Variants in IL1RAPL1 observed in about 807,000 individuals in gnomAD.
IL1RAPL1 encodes the protein interleukin 1 receptor accessory protein like 1.
In IL1RAPL1, 3 loss-of-function variants were observed where a neutral mutation model predicts 48.4. That is an observed-to-expected ratio of 0.06 (90% CI 0.03 to 0.16). IL1RAPL1 has a LOEUF of 0.16. IL1RAPL1 is among the 10% of genes least tolerant of loss of function. The probability of loss-of-function intolerance (pLI) is 1.00; values close to 1 mark genes in which losing one functional copy is unlikely to be tolerated. For synonymous variants in IL1RAPL1, 185 were observed against 187.7 expected, an observed-to-expected ratio of 0.99 and a Z score of 0.12; for missense variants, 349 against 530.6, an observed-to-expected ratio of 0.66 and a Z score of 3.36.
chrX:28,835,921 A>G lies in IL1RAPL1; in HGVS notation c.82+46496A>G, dbSNP rs747592465. Among the ~76,000 whole-genome samples the G allele has an allele frequency of 3.6e-5, 4 of 110,598 alleles. No homozygotes were observed. The East Asian group carries it at 1.1e-3, about 31-fold the overall frequency. On this transcript the variant is annotated intron_variant, in intron 2 of 10. Transcript: ENST00000378993. ...AATGTGTTTTTATATTTGTTTTTTGAGATGCTGAATTTCCATAATATTTAT... is the reference window on the plus strand; with the variant it reads ...AATGTGTTTTTATATTTGTTTTTTGGGATGCTGAATTTCCATAATATTTAT...
At chrX:28,652,969 C>T (rs1601847587) in intron 1 of IL1RAPL1, among the ~76,000 whole-genome samples, 2 of 110,912 alleles carry the variant, frequency 1.8e-5, no homozygotes, top group African/African-American at 3.3e-5. Flanking sequence ...ATGAGTCCTG[C>T]GTAGAGAAGT....
At chrX:29,732,043 T>C (rs1927933156) in intron 6 of IL1RAPL1, among the ~76,000 whole-genome samples, 1 of 112,263 alleles carries the variant, frequency 8.9e-6, no homozygotes, top group African/African-American at 3.2e-5. Flanking sequence ...CAGGGAATTT[T>C]GTTTTCTTTA....
intron 2 of IL1RAPL1, among the ~76,000 whole-genome samples, chrX:28,926,318 A>G (rs777744885): frequency 3.6e-5 from 4 of 111,377 alleles, no homozygotes; most frequent in Non-Finnish European, 7.5e-5. Flanking sequence ...AAACATAACA[A>G]CTTGTTTTGA....
intron 5 of IL1RAPL1, among the ~76,000 whole-genome samples, chrX:29,530,898 T>G (rs1273577716): frequency 8.9e-6 from 1 of 112,257 alleles, no homozygotes; most frequent in Admixed American, 9.4e-5. Context: ...GGATGAGTTA[T>G]TTGTTCGAAC....
intron 5 of IL1RAPL1, among the ~76,000 whole-genome samples, chrX:29,512,051 G>T (rs1935398612): frequency 9.1e-6 from 1 of 109,779 alleles, no homozygotes; most frequent in East Asian, 2.8e-4. Flanking sequence ...CATTTCGGGG[G>T]TTACATAGCA....
chrX:29,057,852 TAGA>T (rs1428386752), intron 2 of IL1RAPL1, among the ~76,000 whole-genome samples: 1 of 112,088 alleles, frequency 8.9e-6, no homozygotes, highest in African/African-American at 3.2e-5. Context: ...CTTCTAGGAA[TAGA>T]AGTAGAAGTC....
At chrX:29,849,152 C>T (rs1931310752) in intron 6 of IL1RAPL1, among the ~76,000 whole-genome samples, 1 of 111,164 alleles carries the variant, frequency 9.0e-6, no homozygotes, top group African/African-American at 3.3e-5. Context: ...GGTAAGCTAC[C>T]AAAAAAATCT....
intron 2 of IL1RAPL1, among the ~76,000 whole-genome samples, chrX:29,114,886 C>T (rs1297860853): frequency 9.0e-6 from 1 of 111,442 alleles, no homozygotes; most frequent in Non-Finnish European, 1.9e-5. Flanking sequence ...CCTCTACCTC[C>T]CAAAGTGCTG....
chrX:28,672,719 G>C (rs936582060), intron 1 of IL1RAPL1, among the ~76,000 whole-genome samples: 3 of 111,258 alleles, frequency 2.7e-5, no homozygotes, highest in Admixed American at 1.9e-4. Flanking sequence ...TATTTCCAGG[G>C]TCCTGCTTGG....
intron 6 of IL1RAPL1, among the ~76,000 whole-genome samples, chrX:29,688,764 C>CTG (rs1406628560): frequency 9.6e-6 from 1 of 103,928 alleles, no homozygotes; most frequent in Non-Finnish European, 2.0e-5. Context: ...CTGTGTGTGT[C>CTG]TGTGTGTGTG....
intron 6 of IL1RAPL1, among the ~76,000 whole-genome samples, chrX:29,739,174 G>T (rs1355672899): frequency 1.8e-5 from 2 of 112,197 alleles, no homozygotes; most frequent in Non-Finnish European, 1.9e-5. Context: ...CCCACGTCTG[G>T]CTCTAGATTC....
At chrX:29,349,513 G>A (rs1933194533) in intron 3 of IL1RAPL1, among the ~76,000 whole-genome samples, 1 of 111,526 alleles carries the variant, frequency 9.0e-6, no homozygotes, top group Non-Finnish European at 1.9e-5. Flanking sequence ...GGTGGGAAGA[G>A]GTCAAAGAAA....
intron 2 of IL1RAPL1, among the ~76,000 whole-genome samples, chrX:29,205,657 A>G (rs965500017): frequency 2.7e-5 from 3 of 111,935 alleles, no homozygotes; most frequent in Non-Finnish European, 5.6e-5. Flanking sequence ...TAAATGATCC[A>G]AGTGCTTTGC....
chrX:29,807,839 G>A (rs1447713852), intron 6 of IL1RAPL1, among the ~76,000 whole-genome samples: 5 of 110,434 alleles, frequency 4.5e-5, no homozygotes, highest in South Asian at 7.7e-4. Context: ...GTAGCAAAGC[G>A]CATGATTATG....
At chrX:28,778,094 C>A (rs1936377972) in intron 1 of IL1RAPL1, among the ~76,000 whole-genome samples, 1 of 111,748 alleles carries the variant, frequency 8.9e-6, no homozygotes, top group Non-Finnish European at 1.9e-5. Context: ...GGCTGAAAAT[C>A]ACTGCCTTAG....
intron 5 of IL1RAPL1, among the ~76,000 whole-genome samples, chrX:29,601,822 A>G (rs1232254093): frequency 8.9e-6 from 1 of 112,295 alleles, no homozygotes; most frequent in African/African-American, 3.2e-5. Flanking sequence ...CAGAAAGTGA[A>G]TCTGAAAGGG....
At chrX:29,319,161 T>TCTGC (rs1932783369) in intron 3 of IL1RAPL1, among the ~76,000 whole-genome samples, 6 of 13,751 alleles carry the variant, frequency 4.4e-4, no homozygotes, top group African/African-American at 6.6e-4. Context: ...TATCTGTCTG[T>TCTGC]CTATCTATCT....
intron 1 of IL1RAPL1, among the ~76,000 whole-genome samples, chrX:28,743,031 G>A (rs554682815): frequency 9.0e-5 from 10 of 111,459 alleles, no homozygotes; most frequent in African/African-American, 2.3e-4. Context: ...AAAAGAATGC[G>A]CTTAATGAAG....
At chrX:29,041,306 A>C in intron 2 of IL1RAPL1, among the ~76,000 whole-genome samples, 1 of 111,571 alleles carries the variant, frequency 9.0e-6, no homozygotes, top group Non-Finnish European at 1.9e-5. Context: ...ATTTACTCTC[A>C]ACTTTATTGC....
Sources: gnomAD v4.1 joint callset for allele counts (sites outside exome capture counted in the v4.1 genomes callset) on GRCh38, gnomAD v4.1.1 for gene constraint, MANE v1.5 for transcripts, NCBI Gene and HGNC (gene_info 2026-07-23, HGNC 2026-07-21) for gene names.